CCNI: variants seen among roughly 807,000 people sequenced by gnomAD.
The protein encoded by CCNI is cyclin I.
A neutral mutation model predicts 34.1 loss-of-function variants in CCNI; 14 were observed. The ratio of observed to expected loss-of-function variants is 0.41; its 90% CI spans 0.27 to 0.64. The LOEUF (loss-of-function observed/expected upper bound fraction) is 0.64. Among genes scored for constraint, CCNI ranks in the 30% least tolerant of loss-of-function variants. The pLI, the probability that CCNI is intolerant of heterozygous loss-of-function variation, is 0.31. For synonymous variants in CCNI, 154 were observed against 158.4 expected (o/e 0.97, Z 0.21); for missense variants, 385 against 440.5 (o/e 0.87, Z 1.13).
intron 6 of CCNI, among the ~76,000 whole-genome samples, chr4:77,048,891 G>T (rs1213195098): frequency 6.7e-6 from 1 of 148,914 alleles, no homozygotes; most frequent in Admixed American, 6.7e-5. Context: ...TTTGGAACTT[G>T]AGTTTTGTAT....
intron 2 of CCNI, chr4:77,064,583 G>GCGCA (rs753314733): frequency 9.5e-6 from 1 of 105,682 alleles, no homozygotes; most frequent in Non-Finnish European, 1.9e-5. Context: ...ATGCGCGCGC[G>GCGCA]CGCACACACA....
intron 1 of CCNI, among the ~76,000 whole-genome samples, chr4:77,070,871 C>T (rs902978810): frequency 6.6e-6 from 1 of 152,264 alleles, no homozygotes; most frequent in African/African-American, 2.4e-5. Flanking sequence ...GGAATGTAAA[C>T]CAGATGACCA....
intron 6 of CCNI, among the ~76,000 whole-genome samples, chr4:77,048,902 T>C (rs1727636235): frequency 6.6e-6 from 1 of 151,954 alleles, no homozygotes; most frequent in South Asian, 2.1e-4. Flanking sequence ...AGTTTTGTAT[T>C]TGCAATGTAT....
intron 2 of CCNI, among the ~76,000 whole-genome samples, chr4:77,060,861 G>A (rs977821569): frequency 6.6e-6 from 1 of 152,072 alleles, no homozygotes; most frequent in Admixed American, 6.6e-5. Flanking sequence ...CTGACCTCAA[G>A]TGATCTACCC....
intron 1 of CCNI, among the ~76,000 whole-genome samples, chr4:77,070,924 AT>A (rs1241238723): frequency 6.6e-6 from 1 of 152,244 alleles, no homozygotes; most frequent in Non-Finnish European, 1.5e-5. Context: ...TTGGGTCAAG[AT>A]TAGACTTCAT....
chr4:77,052,828 T>C (rs536422605), intron 6 of CCNI, among the ~76,000 whole-genome samples: 54 of 152,200 alleles, frequency 3.5e-4, no homozygotes, highest in African/African-American at 1.2e-3. Flanking sequence ...AAAACAGAAA[T>C]GAGTCCTAAA....
At chr4:77,060,113 C>T (rs1728503801) in intron 2 of CCNI, among the ~76,000 whole-genome samples, 1 of 151,820 alleles carries the variant, frequency 6.6e-6, no homozygotes, top group African/African-American at 2.4e-5. Flanking sequence ...AAAAAAAATC[C>T]CTGAATGACA....
chr4:77,057,414 T>C (rs934614992), intron 3 of CCNI, among the ~76,000 whole-genome samples: 1 of 152,240 alleles, frequency 6.6e-6, no homozygotes, highest in African/African-American at 2.4e-5. Flanking sequence ...TTGGGTCCTG[T>C]CATGTTTAGT....
Position 77,075,454 on chromosome 4 carries a change from C to A in CCNI, c.-44+18G>T. The A allele has an allele frequency of 1.5e-6, 1 of 680,654 alleles. No homozygotes were observed. The highest frequency in any genetic ancestry group is 1.8e-6 in the Non-Finnish European group (1 of 552,878). The allele number at this position is 680,654 out of a possible 1,614,324, so 42.2% of individuals were successfully genotyped here. On this transcript the variant is annotated intron_variant, in intron 1 of 6. Coordinates refer to ENST00000237654, the MANE Select transcript of CCNI (RefSeq NM_006835.3). The stretch of plus-strand genomic sequence containing the variant: ...CGCGGAGACGCGTCGAGCCCCCGCC[C>A]CCGCCCCCGCCCCTCACCTTCTCCT...
intron 2 of CCNI, among the ~76,000 whole-genome samples, chr4:77,060,822 G>A (rs548117404): frequency 6.6e-6 from 1 of 151,884 alleles, no homozygotes; most frequent in Non-Finnish European, 1.5e-5. Flanking sequence ...ATGGGGTTTC[G>A]CCATGTTGGC....
rs1728219936 is a variant in CCNI at position 77,056,270 on chromosome 4, G to C, written c.297C>G (p.Ala99=). 1.1e-5 allele frequency: 17 copies of C among 1,613,310 alleles called. No individual in the cohort carries two copies. Among genetic ancestry groups the C allele is most frequent in the Non-Finnish European group, 1.4e-5 (16 of 1,179,464 alleles). Reference sequence around the variant, plus strand: ...TTACCTCATCTTCCTCAACAGTCTTGGCAGCTAGGAAAAAACAGCTGATTG... The same window carrying C: ...TTACCTCATCTTCCTCAACAGTCTTCGCAGCTAGGAAAAAACAGCTGATTG... ...CIAISCFFLA[A]KTVEEDERIP... is the part of the protein sequence containing the mutation. Residue 99 remains alanine, a synonymous_variant, in exon 4 of 7, where the codon GCC becomes GCG. Transcript: ENST00000237654.
intron 2 of CCNI, chr4:77,064,621 AC>A (rs1728890297): frequency 5.3e-5 from 8 of 151,236 alleles, no homozygotes; most frequent in Admixed American, 4.6e-4. Flanking sequence ...ACACACACAC[AC>A]AAAATATCAC....
intron 6 of CCNI, among the ~76,000 whole-genome samples, chr4:77,054,811 G>A (rs1168660508): frequency 6.6e-6 from 1 of 152,092 alleles, no homozygotes; most frequent in African/African-American, 2.4e-5. Flanking sequence ...TATAAAATGA[G>A]TGAAGTAAAG....
At position 77,055,146 on chromosome 4, in the gene CCNI, C is replaced by G. The variant is rs1358554984; in HGVS notation, c.690+4G>C. ...GAACACTATTTAATTAGACTGACAC[C>G]TACCTGTGCTTTCTGAAGCAGTTCA... On this transcript the variant is annotated splice_donor_region_variant and intron_variant, in intron 6 of 6. Transcript: ENST00000237654. 1.9e-6 allele frequency: 3 copies of G among 1,586,042 alleles called. No individual in the cohort carries two copies. The highest frequency in any genetic ancestry group is 2.6e-6 in the Non-Finnish European group (3 of 1,154,482).
At chr4:77,063,456 T>TC (rs1321400907) in intron 2 of CCNI, among the ~76,000 whole-genome samples, 2 of 151,536 alleles carry the variant, frequency 1.3e-5, no homozygotes, top group Non-Finnish European at 2.9e-5. Flanking sequence ...CCCAGCACTT[T>TC]GGAAGGCCGG....
At position 77,048,112 on chromosome 4, in the gene CCNI, T is replaced by C; in HGVS notation, c.*107A>G. Reference sequence around the variant, plus strand: ...TTTTTTTTTTCTGGCTCACTCCAAATCAGCCTGTTAAGGTATATTTCCTTC... The same window carrying C: ...TTTTTTTTTTCTGGCTCACTCCAAACCAGCCTGTTAAGGTATATTTCCTTC... On this transcript the variant is annotated 3_prime_UTR_variant, in exon 7 of 7. Coordinates refer to ENST00000237654, the MANE Select transcript of CCNI (RefSeq NM_006835.3). 1 of 734,376 alleles carries C rather than the reference T, an allele frequency of 1.4e-6. No homozygotes were observed. Among genetic ancestry groups the C allele is most frequent in the Non-Finnish European group, 2.2e-6 (1 of 452,198 alleles). The allele number at this position is 734,376 out of a possible 1,614,324, so 45.5% of individuals were successfully genotyped here. A position where few individuals can be genotyped will look rare whatever the true frequency, so the allele number is the denominator to read the frequency against.
Position 77,047,615 on chromosome 4 carries a change from A to G in CCNI, c.*604T>C, listed in dbSNP as rs540130391. 1 of 152,364 alleles carries G rather than the reference A, an allele frequency of 6.6e-6. No individual in the cohort carries two copies. The highest frequency in any genetic ancestry group is 2.1e-4 in the South Asian group (1 of 4,824). The allele number at this position is 152,364 out of a possible 1,614,324, so 9.4% of individuals were successfully genotyped here. On this transcript the variant is annotated 3_prime_UTR_variant, in exon 7 of 7. Transcript: ENST00000237654. Reference sequence around the variant, plus strand: ...ACAAAAATGAAAACCATAATTTTAAATTAAAATTTGAAATGAGACACAAAA... The same window carrying G: ...ACAAAAATGAAAACCATAATTTTAAGTTAAAATTTGAAATGAGACACAAAA...
At chr4:77,064,624 A>AG in intron 2 of CCNI, 1 of 128,266 alleles carries the variant, frequency 7.8e-6, no homozygotes, top group African/African-American at 2.9e-5. Flanking sequence ...CACACACACA[A>AG]AATATCACAG....
At position 77,050,989 on chromosome 4, in the gene CCNI, C is replaced by T. The variant is rs1382392259; in HGVS notation, c.691-2327G>A. Among the ~76,000 whole-genome samples, 3 of 152,164 alleles carry T rather than the reference C, an allele frequency of 2.0e-5. No homozygotes were observed. The East Asian group carries it at 5.8e-4, about 29-fold the overall frequency. On this transcript the variant is annotated intron_variant, in intron 6 of 6. Transcript: ENST00000237654. ...ATAACAAAACCCAACATGCTCAAGT[C>T]TCTTATATAAAATAATGTAGTATTT...
Sources: gnomAD v4.1 joint callset for allele counts (sites outside exome capture counted in the v4.1 genomes callset) on GRCh38, gnomAD v4.1.1 for gene constraint, MANE v1.5 for transcripts, NCBI Gene and HGNC (gene_info 2026-07-23, HGNC 2026-07-21) for gene names.